The following EFR3B variants were observed in gnomAD, a reference collection of about 807,000 sequenced individuals.
EFR3B encodes the protein EFR3 homolog B.
A neutral mutation model predicts 104.7 loss-of-function variants in EFR3B; 64 were observed. That is an observed-to-expected ratio of 0.61 (90% CI 0.50 to 0.75). The LOEUF is 0.75. EFR3B is among the 30% of genes least tolerant of loss of function. The probability of loss-of-function intolerance (pLI) is 0.00; values close to 1 mark genes in which losing one functional copy is unlikely to be tolerated. For missense variants in EFR3B, 750 were observed against 1,078.5 expected, an observed-to-expected ratio of 0.70 and a Z score of 4.27; for synonymous variants, 385 against 417.9, an observed-to-expected ratio of 0.92 and a Z score of 0.96.
chr2:25,143,022 C>A (rs1166395866), intron 17 of EFR3B, among the ~76,000 whole-genome samples: 1 of 146,726 alleles, frequency 6.8e-6, no homozygotes, highest in Non-Finnish European at 1.5e-5. Context: ...CCGAGGCGGG[C>A]GGGTCACGAG....
intron 4 of EFR3B, among the ~76,000 whole-genome samples, chr2:25,107,764 T>C (rs1669605125): frequency 6.6e-6 from 1 of 152,048 alleles, no homozygotes; most frequent in Admixed American, 6.6e-5. Context: ...ATACCACTCC[T>C]GTACAGTACA....
At chr2:25,144,717 G>A (rs1368483420) in intron 18 of EFR3B, among the ~76,000 whole-genome samples, 1 of 152,196 alleles carries the variant, frequency 6.6e-6, no homozygotes, top group Non-Finnish European at 1.5e-5. Flanking sequence ...CACCTTCTTT[G>A]TGTTCTCGTT....
Position 25,155,441 on chromosome 2 carries a change from G to A in EFR3B, c.*1101G>A, listed in dbSNP as rs1395910974. On this transcript the variant is annotated 3_prime_UTR_variant, in exon 23 of 23. Coordinates refer to ENST00000403714, the MANE Select transcript of EFR3B (RefSeq NM_014971.2). ...ACATCAGCACCACCTGGCAACGCTT[G>A]TGGCTTGGGAGGAGCCATGGAGACC... is the stretch of plus-strand genomic sequence containing the variant. 2 of 152,266 alleles carry A rather than the reference G, an allele frequency of 1.3e-5. No homozygotes were observed. Among genetic ancestry groups the A allele is most frequent in the Non-Finnish European group, 2.9e-5 (2 of 68,096 alleles). The allele number at this position is 152,266 out of a possible 1,614,324, so 9.4% of individuals were successfully genotyped here. A position where few individuals can be genotyped will look rare whatever the true frequency, so the allele number is the denominator to read the frequency against.
In EFR3B at chr2:25,141,430, C is replaced by T; in HGVS notation, c.1919C>T (p.Pro640Leu). The T allele has an allele frequency of 6.4e-7, 1 of 1,551,112 alleles. No individual in the cohort carries two copies. Among genetic ancestry groups the T allele is most frequent in the Non-Finnish European group, 8.7e-7 (1 of 1,146,748 alleles). ...MLPEDVFVER[P>L]RLSQNLDGVV... ...CCCGAGGATGTGTTTGTGGAGAGGC[C>T]CAGGTGAGGAGAGGACGGGGGACGT... Residue 640 changes from proline (P) to leucine (L), a missense_variant, in exon 17 of 23, where the codon CCC becomes CTC. Physicochemically the swap from Pro to Leu is moderately conservative, Grantham distance 98 (BLOSUM62 -3). Coordinates refer to ENST00000403714, the MANE Select transcript of EFR3B (RefSeq NM_014971.2).
chr2:25,042,306 C>A lies in EFR3B; in HGVS notation c.-7C>A. 1 of 1,290,636 alleles carries A rather than the reference C, an allele frequency of 7.7e-7. No homozygotes were observed. Among genetic ancestry groups the A allele is most frequent in the Non-Finnish European group, 9.8e-7 (1 of 1,020,804 alleles). 79.9% of individuals were successfully genotyped at this position (1,290,636 alleles called of 1,614,324 possible). A position where few individuals can be genotyped will look rare whatever the true frequency, so the allele number is the denominator to read the frequency against. ...CCGGCCTCTCGAGAGGCGCGCGCCC[C>A]GCCGAGATGTACGGTAAGGAGGGCT... On this transcript the variant is annotated 5_prime_UTR_variant, in exon 1 of 23. Coordinates refer to ENST00000403714, the MANE Select transcript of EFR3B (RefSeq NM_014971.2). The surrounding 1 kb of genome is among the most constrained non-coding windows in gnomAD (Gnocchi z 5.4).
chr2:25,074,206 T>C (rs1668571814), intron 1 of EFR3B, among the ~76,000 whole-genome samples: 1 of 152,174 alleles, frequency 6.6e-6, no homozygotes. Context: ...TGGGATGCTC[T>C]TGTGCCTCCA....
At chr2:25,120,814 C>CT (rs1415545790) in intron 4 of EFR3B, among the ~76,000 whole-genome samples, 2 of 152,238 alleles carry the variant, frequency 1.3e-5, no homozygotes, top group East Asian at 1.9e-4. Flanking sequence ...AGGAATCTAG[C>CT]TGCCCAGGAT....
chr2:25,065,093 C>T (rs956517372), intron 1 of EFR3B, among the ~76,000 whole-genome samples: 1 of 151,918 alleles, frequency 6.6e-6, no homozygotes, highest in African/African-American at 2.4e-5. Context: ...GGGGGCGGGG[C>T]ACACCAAGGC....
intron 16 of EFR3B, among the ~76,000 whole-genome samples, chr2:25,140,403 G>C (rs1382359442): frequency 6.6e-6 from 1 of 152,154 alleles, no homozygotes; most frequent in Admixed American, 6.5e-5. Context: ...GAGTCACAGG[G>C]GAGGGTGCCG....
chr2:25,068,341 G>C (rs1372510536), intron 1 of EFR3B, among the ~76,000 whole-genome samples: 1 of 152,148 alleles, frequency 6.6e-6, no homozygotes. Context: ...ACTGTGATGA[G>C]CCCTAAAAAT....
intron 1 of EFR3B, among the ~76,000 whole-genome samples, chr2:25,061,313 A>G (rs1029053167): frequency 1.3e-4 from 20 of 151,796 alleles, no homozygotes; most frequent in African/African-American, 4.8e-4. Flanking sequence ...GGGTTTCACC[A>G]TGTTGGCCAG....
chr2:25,078,766 CAG>C (rs936542220), intron 1 of EFR3B, among the ~76,000 whole-genome samples: 5 of 152,206 alleles, frequency 3.3e-5, no homozygotes, highest in Admixed American at 6.5e-5. Flanking sequence ...GTCGAGCTGG[CAG>C]AGAGTACGCT....
intron 5 of EFR3B, among the ~76,000 whole-genome samples, chr2:25,124,927 G>A (rs894349458): frequency 2.0e-5 from 3 of 151,860 alleles, no homozygotes; most frequent in East Asian, 3.9e-4. Context: ...GCATGGTAGC[G>A]CACAACTGTA....
intron 5 of EFR3B, among the ~76,000 whole-genome samples, chr2:25,126,146 G>T (rs1332356811): frequency 6.6e-6 from 1 of 152,200 alleles, no homozygotes; most frequent in African/African-American, 2.4e-5. Flanking sequence ...GCATGGGCAG[G>T]GGGTGGGGGC....
intron 4 of EFR3B, among the ~76,000 whole-genome samples, chr2:25,112,241 T>C (rs1432248453): frequency 3.3e-5 from 5 of 152,228 alleles, no homozygotes; most frequent in Non-Finnish European, 7.4e-5. Context: ...CAGCCCCAGG[T>C]AGGGACAGGC....
At chr2:25,049,142 A>C (rs919844719) in intron 1 of EFR3B, among the ~76,000 whole-genome samples, 2 of 152,192 alleles carry the variant, frequency 1.3e-5, no homozygotes, top group African/African-American at 2.4e-5. Flanking sequence ...AAAATCACCT[A>C]TCTCCCTATA....
intron 1 of EFR3B, among the ~76,000 whole-genome samples, chr2:25,088,187 C>T (rs1048861233): frequency 2.0e-5 from 3 of 152,262 alleles, no homozygotes; most frequent in Admixed American, 6.5e-5. Context: ...TTCTCTCCAG[C>T]GTGCCTCTTG....
chr2:25,045,840 A>G (rs1344913904), intron 1 of EFR3B, among the ~76,000 whole-genome samples: 1 of 151,966 alleles, frequency 6.6e-6, no homozygotes, highest in African/African-American at 2.4e-5. Context: ...TCTGGGCTGG[A>G]GCATCCCGTT....
chr2:25,152,427 CA>C (rs1476443615), intron 21 of EFR3B, among the ~76,000 whole-genome samples: 2 of 152,242 alleles, frequency 1.3e-5, no homozygotes, highest in Non-Finnish European at 2.9e-5. Flanking sequence ...CTTTCATTCT[CA>C]TGATAACTCC....
Sources: gnomAD v4.1 joint callset for allele counts (sites outside exome capture counted in the v4.1 genomes callset) on GRCh38, gnomAD v4.1.1 for gene constraint, Gnocchi (gnomAD v3.1) non-coding constraint, MANE v1.5 for transcripts, NCBI Gene and HGNC (gene_info 2026-07-23, HGNC 2026-07-21) for gene names.